Variants in EYS observed in about 807,000 individuals in gnomAD.
EYS encodes EGF-like photoreceptor maintenance factor.
In EYS, 250 loss-of-function variants were observed where a neutral mutation model predicts 282.1. That is an observed-to-expected ratio of 0.89 (90% CI 0.80 to 0.98). The LOEUF is 0.98. EYS is among the 50% of genes least tolerant of loss of function. EYS has a pLI of 0.00. For synonymous variants in EYS, 1,355 were observed against 1,282.9 expected (o/e 1.06, Z -1.20); for missense variants, 4,016 against 3,709.0 (o/e 1.08, Z -2.15).
At chr6:64,895,047 T>C (rs1767410772) in intron 18 of EYS, among the ~76,000 whole-genome samples, 1 of 152,164 alleles carries the variant, frequency 6.6e-6, no homozygotes, top group South Asian at 2.1e-4. Flanking sequence ...TCTATTCCTG[T>C]GGTACTTGTA....
chr6:64,843,635 G>C (rs1368833819), intron 19 of EYS, among the ~76,000 whole-genome samples: 1 of 152,142 alleles, frequency 6.6e-6, no homozygotes, highest in Non-Finnish European at 1.5e-5. Context: ...TAACCTCATT[G>C]TATCTAGGAA....
At chr6:65,569,123 A>G (rs930447222) in intron 2 of EYS, among the ~76,000 whole-genome samples, 1 of 152,118 alleles carries the variant, frequency 6.6e-6, no homozygotes, top group African/African-American at 2.4e-5. Context: ...GTGAAAATGT[A>G]TTGTTCCTGC....
intron 1 of EYS, among the ~76,000 whole-genome samples, chr6:65,705,074 G>A (rs754736069): frequency 9.2e-5 from 14 of 152,014 alleles, no homozygotes; most frequent in Non-Finnish European, 1.5e-4. Context: ...ATTTATATCA[G>A]TTGGGCTAGC....
At chr6:65,389,362 A>G (rs1454548928) in intron 7 of EYS, among the ~76,000 whole-genome samples, 1 of 152,164 alleles carries the variant, frequency 6.6e-6, no homozygotes, top group Non-Finnish European at 1.5e-5. Context: ...GAATAGGCCA[A>G]GGATTTTGCA....
At chr6:64,255,111 T>C (rs1314509762) in intron 30 of EYS, among the ~76,000 whole-genome samples, 1 of 152,112 alleles carries the variant, frequency 6.6e-6, no homozygotes, top group East Asian at 1.9e-4. Context: ...ACACGTTCAC[T>C]TATTTTTAGC....
chr6:64,927,135 A>G (rs1451541279), intron 15 of EYS, among the ~76,000 whole-genome samples: 1 of 152,196 alleles, frequency 6.6e-6, no homozygotes, highest in African/African-American at 2.4e-5. Context: ...GCAAAATGTA[A>G]CATGCTAACT....
chr6:65,619,881 G>A (rs1766399026), intron 2 of EYS, among the ~76,000 whole-genome samples: 2 of 151,032 alleles, frequency 1.3e-5, no homozygotes, highest in Admixed American at 6.6e-5. Flanking sequence ...TGTTGAACCA[G>A]CCTTGCATCC....
intron 8 of EYS, among the ~76,000 whole-genome samples, chr6:65,357,141 G>A (rs765367507): frequency 8.6e-5 from 13 of 151,836 alleles, no homozygotes; most frequent in African/African-American, 2.2e-4. Flanking sequence ...GTTGTTGAGA[G>A]GCTCATCATT....
At chr6:64,466,698 A>C (rs1291921825) in intron 26 of EYS, among the ~76,000 whole-genome samples, 1 of 152,096 alleles carries the variant, frequency 6.6e-6, no homozygotes, top group African/African-American at 2.4e-5. Context: ...AGTTAATAAC[A>C]ATATATTAAT....
intron 34 of EYS, among the ~76,000 whole-genome samples, chr6:63,992,172 G>T (rs1292503791): frequency 6.6e-6 from 1 of 151,768 alleles, no homozygotes; most frequent in Non-Finnish European, 1.5e-5. Flanking sequence ...GCTAAAAATG[G>T]TAGGTATGTA....
chr6:64,175,781 T>G (rs1242948345), intron 31 of EYS, among the ~76,000 whole-genome samples: 1 of 152,020 alleles, frequency 6.6e-6, no homozygotes, highest in Admixed American at 6.6e-5. Context: ...GTGGCTAGAA[T>G]AAGAGCCAAT....
At chr6:64,309,887 C>A (rs1290955312) in intron 29 of EYS, among the ~76,000 whole-genome samples, 2 of 151,298 alleles carry the variant, frequency 1.3e-5, no homozygotes, top group Admixed American at 1.3e-4. Context: ...ATTGCTTAAA[C>A]CTTGGAGGAG....
intron 2 of EYS, among the ~76,000 whole-genome samples, chr6:65,590,887 G>A (rs1165174354): frequency 6.6e-6 from 1 of 151,576 alleles, no homozygotes; most frequent in East Asian, 1.9e-4. Context: ...TCAGTTGATG[G>A]ACACTTAGAT....
intron 26 of EYS, among the ~76,000 whole-genome samples, chr6:64,569,832 A>G (rs1765669181): frequency 6.6e-6 from 1 of 152,212 alleles, no homozygotes; most frequent in Non-Finnish European, 1.5e-5. Flanking sequence ...GGTGTACCTG[A>G]AAGTGAGGGG....
chr6:63,738,879 G>A (rs958738360), intron 41 of EYS, among the ~76,000 whole-genome samples: 3 of 152,092 alleles, frequency 2.0e-5, no homozygotes, highest in African/African-American at 7.2e-5. Context: ...CCCACTAGCA[G>A]CATTAACTTT....
At chr6:64,021,157 G>GAAAA (rs66796703) in intron 33 of EYS, among the ~76,000 whole-genome samples, 1 of 145,628 alleles carries the variant, frequency 6.9e-6, no homozygotes, top group Non-Finnish European at 1.5e-5. Flanking sequence ...GTTTTCAAGG[G>GAAAA]AAAAAAAAAA....
At chr6:63,843,725 G>A (rs541414053) in intron 36 of EYS, among the ~76,000 whole-genome samples, 7 of 152,212 alleles carry the variant, frequency 4.6e-5, no homozygotes, top group East Asian at 3.9e-4. Context: ...CCTATTCAAC[G>A]TAGTATTGGA....
At position 64,831,960 on chromosome 6, in the gene EYS, C is replaced by T. The variant is rs573319041; in HGVS notation, c.2993-9138G>A. On this transcript the variant is annotated intron_variant, in intron 19 of 42. Transcript: ENST00000503581. ...TTTAATTAGGCAACTATGTTGAGAG[C>T]TTTGGAAAGTGAGAAGTTGTTCAAG... Among the ~76,000 whole-genome samples, 39 of 151,916 alleles carry T rather than the reference C, an allele frequency of 2.6e-4. 1 individual carries two copies. Among genetic ancestry groups the T allele is most frequent in the Middle Eastern group, 3.4e-3 (1 of 294 alleles).
intron 26 of EYS, among the ~76,000 whole-genome samples, chr6:64,521,928 G>A (rs1302295960): frequency 7.9e-5 from 12 of 151,750 alleles, no homozygotes; most frequent in Middle Eastern, 3.4e-3. Flanking sequence ...AAGTATAGTC[G>A]TATCATTCAC....
Sources: gnomAD v4.1 joint callset for allele counts (sites outside exome capture counted in the v4.1 genomes callset) on GRCh38, gnomAD v4.1.1 for gene constraint, MANE v1.5 for transcripts, NCBI Gene and HGNC (gene_info 2026-07-23, HGNC 2026-07-21) for gene names.